ATP1B3: variants seen among roughly 807,000 people sequenced by gnomAD.
The protein encoded by ATP1B3 is ATPase Na+/K+ transporting subunit beta 3.
A neutral mutation model predicts 30.2 loss-of-function variants in ATP1B3; 10 were observed. The observed-to-expected ratio is 0.33, with a 90% CI of 0.20 to 0.56. The LOEUF is 0.56. Among genes scored for constraint, ATP1B3 ranks in the 20% least tolerant of loss-of-function variants. The pLI is 0.90. For missense variants in ATP1B3, 238 were observed against 336.7 expected (o/e 0.71, Z 2.29); for synonymous variants, 113 against 117.0 (o/e 0.97, Z 0.22).
chr3:141,899,608 G>GA (rs1165089690), intron 1 of ATP1B3, among the ~76,000 whole-genome samples: 1 of 152,192 alleles, frequency 6.6e-6, no homozygotes, highest in Non-Finnish European at 1.5e-5. Context: ...AGTGGCTCAC[G>GA]CCTGTAATCC....
chr3:141,907,110 G>A lies in ATP1B3; in HGVS notation c.239-57G>A, dbSNP rs1462925055. ...GCTGAGATCTGCTTTTTAGAGATAA[G>A]AGGAAGGAAAAGAAGAGAAGGAAAT... On this transcript the variant is annotated intron_variant, in intron 2 of 6. Transcript: ENST00000286371. The A allele has an allele frequency of 3.0e-6, 4 of 1,336,892 alleles. No homozygotes were observed. The African/African-American group carries it at 5.9e-5, about 20-fold the overall frequency. 82.8% of individuals were successfully genotyped at this position (1,336,892 alleles called of 1,614,324 possible).
intron 5 of ATP1B3, among the ~76,000 whole-genome samples, chr3:141,921,378 T>A (rs1334228697): frequency 3.3e-5 from 5 of 151,938 alleles, no homozygotes; most frequent in African/African-American, 1.2e-4. Context: ...GATTTATATA[T>A]GCTCATAAAT....
chr3:141,909,954 G>A (rs1294822357), intron 3 of ATP1B3, among the ~76,000 whole-genome samples: 2 of 152,116 alleles, frequency 1.3e-5, no homozygotes, highest in African/African-American at 4.8e-5. Flanking sequence ...AAAATAGTCT[G>A]ATTCTGGACA....
intron 6 of ATP1B3, 72 bp downstream of exon 6, chr3:141,922,135 G>C (rs1934574309): frequency 1.1e-6 from 1 of 901,280 alleles, no homozygotes; most frequent in Non-Finnish European, 1.7e-6. Context: ...CGTACCACTT[G>C]TCTGGGGTAG....
Position 141,924,986 on chromosome 3 carries a change from C to T in ATP1B3, c.670-545C>T, listed in dbSNP as rs903552354. Among the ~76,000 whole-genome samples, 5 of 151,800 alleles carry T rather than the reference C, an allele frequency of 3.3e-5. No homozygotes were observed. The South Asian group carries it at 6.3e-4, about 19-fold the overall frequency. On this transcript the variant is annotated intron_variant, in intron 6 of 6. Coordinates refer to ENST00000286371, the MANE Select transcript of ATP1B3 (RefSeq NM_001679.4). ...ATTAATAATAATAATGATAATAGGC[C>T]GGGTGTGGTGGCTCACACCTGTAAT... is the stretch of plus-strand genomic sequence containing the variant.
chr3:141,902,773 C>A (rs1436634097), intron 1 of ATP1B3, among the ~76,000 whole-genome samples: 1 of 152,096 alleles, frequency 6.6e-6, no homozygotes, highest in African/African-American at 2.4e-5. Flanking sequence ...TGACCTTGTC[C>A]TTTTTTCACT....
rs1576399820 is a variant in ATP1B3, at chr3:141,915,955, A to G, written c.532-15A>G. The G allele has an allele frequency of 6.3e-7, 1 of 1,592,184 alleles. No homozygotes were observed. On this transcript the variant is annotated splice_polypyrimidine_tract_variant and intron_variant, in intron 4 of 6. Transcript: ENST00000286371. The stretch of plus-strand genomic sequence containing the variant: ...TTACGTGAAGTTTAAATTTATCACT[A>G]TTTCTTAACCTTAGATAATTGGATT...
At chr3:141,879,552 A>G (rs1416996720) in intron 1 of ATP1B3, among the ~76,000 whole-genome samples, 1 of 151,770 alleles carries the variant, frequency 6.6e-6, no homozygotes, top group Non-Finnish European at 1.5e-5. Flanking sequence ...TGGGTGGATC[A>G]CTTGAGGGCA....
chr3:141,904,443 A>G, intron 2 of ATP1B3, among the ~76,000 whole-genome samples: 1 of 152,130 alleles, frequency 6.6e-6, no homozygotes, highest in Non-Finnish European at 1.5e-5. Context: ...ATTAAGGTAT[A>G]TATTTTGGCA....
intron 3 of ATP1B3, among the ~76,000 whole-genome samples, chr3:141,909,492 T>C (rs1379648215): frequency 6.6e-6 from 1 of 152,222 alleles, no homozygotes; most frequent in African/African-American, 2.4e-5. Flanking sequence ...CAGAGTGGTC[T>C]GGGAAAGCCT....
chr3:141,905,604 C>T (rs1248007713), intron 2 of ATP1B3, among the ~76,000 whole-genome samples: 1 of 152,118 alleles, frequency 6.6e-6, no homozygotes, highest in East Asian at 1.9e-4. Context: ...GTCTAAATGT[C>T]TTGAATAACT....
chr3:141,914,771 G>C (rs190891940), intron 4 of ATP1B3, among the ~76,000 whole-genome samples: 166 of 152,304 alleles, frequency 1.1e-3, no homozygotes, highest in Non-Finnish European at 1.5e-3. Context: ...TGCTAAATAA[G>C]AAGCTTCCCT....
rs544936904 is a variant in ATP1B3, at chr3:141,909,224, A to G, written c.346+1950A>G. 3.3e-5 allele frequency among the ~76,000 whole-genome samples: 5 copies of G among 152,312 alleles called. No homozygotes were observed. The South Asian group carries it at 6.2e-4, about 19-fold the overall frequency. The stretch of plus-strand genomic sequence containing the variant: ...TTGTGAAAGTATTATCCGTGGTTTA[A>G]TAGCTTTAAAAGGTCTGCAATGAAG... On this transcript the variant is annotated intron_variant, in intron 3 of 6. Coordinates refer to ENST00000286371, the MANE Select transcript of ATP1B3 (RefSeq NM_001679.4).
At chr3:141,917,623 G>A (rs1006752886) in intron 5 of ATP1B3, among the ~76,000 whole-genome samples, 9 of 152,000 alleles carry the variant, frequency 5.9e-5, no homozygotes, top group Non-Finnish European at 8.8e-5. Context: ...GAACCTGGGA[G>A]GTGGAGGTTG....
Position 141,876,853 on chromosome 3 carries a change from C to T in ATP1B3, c.52C>T (p.Leu18Phe), listed in dbSNP as rs771858787. The part of the protein sequence containing the change: ...SLNQSLAEWK[L>F]FIYNPTTGEF... ...CAACCAGAGCCTGGCCGAGTGGAAG[C>T]TCTTCATCTACAACCCGACCACCGG... Residue 18 changes from leucine to phenylalanine, a missense_variant, in exon 1 of 7, where the codon CTC (leucine) becomes TTC (phenylalanine). Transcript: ENST00000286371. 5 of 1,585,700 alleles carry T rather than the reference C, an allele frequency of 3.2e-6. No individual in the cohort carries two copies. The highest frequency in any genetic ancestry group is 4.3e-6 in the Non-Finnish European group (5 of 1,166,012).
intron 5 of ATP1B3, chr3:141,918,977 G>A (rs1048864720): frequency 6.6e-6 from 1 of 152,140 alleles, no homozygotes; most frequent in Non-Finnish European, 1.5e-5. Flanking sequence ...CACAAAAGTG[G>A]AAGAAATGTT....
chr3:141,905,797 A>G (rs1015091728), intron 2 of ATP1B3, among the ~76,000 whole-genome samples: 1 of 151,912 alleles, frequency 6.6e-6, no homozygotes, highest in Non-Finnish European at 1.5e-5. Context: ...AAAACACTGA[A>G]CTCTGTTTAT....
At chr3:141,879,616 GA>G (rs951191786) in intron 1 of ATP1B3, among the ~76,000 whole-genome samples, 116 of 138,894 alleles carry the variant, frequency 8.4e-4, no homozygotes, top group Admixed American at 8.7e-4. Context: ...TACTAAAAAT[GA>G]AAAAAAAAAA....
intron 3 of ATP1B3, among the ~76,000 whole-genome samples, chr3:141,911,719 T>A (rs1431453240): frequency 6.6e-6 from 1 of 152,200 alleles, no homozygotes; most frequent in East Asian, 1.9e-4. Context: ...GGCCTCAAAC[T>A]CCTAGCCTCA....
Sources: allele counts gnomAD v4.1 joint callset (sites outside exome capture counted in the v4.1 genomes callset), GRCh38; gene constraint gnomAD v4.1.1; transcripts MANE v1.5; gene names NCBI Gene and HGNC (gene_info 2026-07-23, HGNC 2026-07-21).